Variants in ARFIP1 observed in about 807,000 individuals in gnomAD.
ARFIP1 encodes the protein ARF interacting protein 1.
Under a neutral mutation model 42.5 loss-of-function variants are expected in ARFIP1, and 24 were observed. That is an observed-to-expected ratio of 0.57 (90% CI 0.41 to 0.80). The LOEUF is 0.80. Ranked by LOEUF, ARFIP1 falls within the 30% of genes least tolerant of loss-of-function variation. The pLI is 0.00. For missense variants in ARFIP1, 354 were observed against 434.0 expected (o/e 0.82, Z 1.64); for synonymous variants, 141 against 153.7 (o/e 0.92, Z 0.61).
chr4:152,893,337 A>G (rs939898205), intron 8 of ARFIP1, among the ~76,000 whole-genome samples: 21 of 152,224 alleles, frequency 1.4e-4, no homozygotes, highest in African/African-American at 4.8e-4. Flanking sequence ...GTTTTCTGCA[A>G]TGTTTTCTGT....
intron 1 of ARFIP1, among the ~76,000 whole-genome samples, chr4:152,825,633 A>C (rs1001022592): frequency 6.6e-6 from 1 of 152,248 alleles, no homozygotes; most frequent in African/African-American, 2.4e-5. Context: ...GCCTAGGCAA[A>C]GAATTTATGA....
rs1169515609 is a variant in ARFIP1, at chr4:152,872,472, A to G, written c.319A>G (p.Lys107Glu). The G allele has an allele frequency of 3.1e-6, 5 of 1,610,824 alleles. No homozygotes were observed. Among genetic ancestry groups the G allele is most frequent in the Admixed American group, 1.7e-5 (1 of 59,480 alleles). The part of the protein sequence containing the change: ...VPAGGQRTQT[K>E]SGPVILADEI... ...TGCAGGTGGCCAGAGAACACAGACA[A>G]AAAGTGGACCAGTTATTCTAGCAGA... Residue 107 changes from lysine (K) to glutamate (E), a missense_variant, in exon 5 of 9, where the codon AAA becomes GAA. Coordinates refer to ENST00000353617, the MANE Select transcript of ARFIP1 (RefSeq NM_001025595.3).
chr4:152,867,764 A>G (rs1044543584), intron 3 of ARFIP1, among the ~76,000 whole-genome samples: 2 of 152,186 alleles, frequency 1.3e-5, no homozygotes, highest in Non-Finnish European at 2.9e-5. Context: ...TTGGAATAAG[A>G]AAATATATTT....
At chr4:152,868,017 A>G (rs1383791218) in intron 3 of ARFIP1, among the ~76,000 whole-genome samples, 1 of 152,258 alleles carries the variant, frequency 6.6e-6, no homozygotes, top group Non-Finnish European at 1.5e-5. Flanking sequence ...AAAAAATGTT[A>G]AAGGAATTAG....
intron 1 of ARFIP1, among the ~76,000 whole-genome samples, chr4:152,806,845 CT>C (rs796638165): frequency 8.4e-4 from 111 of 132,846 alleles, no homozygotes; most frequent in East Asian, 8.7e-4. Flanking sequence ...CTTTTTCTTT[CT>C]TTTTTTTTTT....
chr4:152,904,198 A>ATTT (rs36092561), intron 8 of ARFIP1, among the ~76,000 whole-genome samples: 17,386 of 126,408 alleles, frequency 0.14, 1,516 homozygotes, highest in African/African-American at 0.21. Context: ...ATATATATAT[A>ATTT]TTTTTTTTTT....
intron 3 of ARFIP1, among the ~76,000 whole-genome samples, chr4:152,870,287 T>C (rs542326756): frequency 4.6e-5 from 7 of 152,378 alleles, no homozygotes; most frequent in Admixed American, 2.0e-4. Flanking sequence ...CTGTAGTTCA[T>C]TCACATTTCT....
chr4:152,853,102 T>TA (rs1204258823), intron 2 of ARFIP1, among the ~76,000 whole-genome samples: 1 of 152,242 alleles, frequency 6.6e-6, no homozygotes, highest in African/African-American at 2.4e-5. Flanking sequence ...TTTTTATTGA[T>TA]ATGTTTTGTT....
intron 8 of ARFIP1, among the ~76,000 whole-genome samples, chr4:152,894,034 A>G (rs532567023): frequency 2.0e-5 from 3 of 152,160 alleles, no homozygotes; most frequent in Non-Finnish European, 4.4e-5. Flanking sequence ...CCTGGCCAAC[A>G]TGGTGAAACC....
chr4:152,909,193 T>G (rs1738635382), intron 8 of ARFIP1, among the ~76,000 whole-genome samples: 1 of 152,126 alleles, frequency 6.6e-6, no homozygotes, highest in African/African-American at 2.4e-5. Flanking sequence ...GAGACCAGCC[T>G]GGCCAACATG....
At chr4:152,862,806 T>C (rs918446593) in intron 2 of ARFIP1, among the ~76,000 whole-genome samples, 2 of 152,238 alleles carry the variant, frequency 1.3e-5, no homozygotes, top group Admixed American at 6.5e-5. Flanking sequence ...TTCATAATTG[T>C]TGCATCACTT....
chr4:152,839,433 T>A (rs944012198), intron 2 of ARFIP1, among the ~76,000 whole-genome samples: 12 of 152,196 alleles, frequency 7.9e-5, no homozygotes, highest in Non-Finnish European at 5.9e-5. Flanking sequence ...TTGGTAATTT[T>A]AAAATTACCA....
At chr4:152,833,606 A>G (rs1213816980) in intron 2 of ARFIP1, among the ~76,000 whole-genome samples, 1 of 152,260 alleles carries the variant, frequency 6.6e-6, no homozygotes, top group African/African-American at 2.4e-5. Flanking sequence ...AAATATGGAA[A>G]TAACCTAAGT....
At chr4:152,831,900 A>G (rs1731273110) in intron 2 of ARFIP1, among the ~76,000 whole-genome samples, 1 of 152,072 alleles carries the variant, frequency 6.6e-6, no homozygotes, top group Non-Finnish European at 1.5e-5. Flanking sequence ...TGCATGCATT[A>G]GGTATTTGTC....
chr4:152,839,396 A>G (rs1731888655), intron 2 of ARFIP1, among the ~76,000 whole-genome samples: 1 of 152,060 alleles, frequency 6.6e-6, no homozygotes, highest in Non-Finnish European at 1.5e-5. Context: ...TTCTGCTGTG[A>G]ATCTCTCTGG....
At chr4:152,874,659 T>C (rs533713914) in intron 5 of ARFIP1, among the ~76,000 whole-genome samples, 1 of 152,088 alleles carries the variant, frequency 6.6e-6, no homozygotes, top group South Asian at 2.1e-4. Flanking sequence ...TTGTTATCCA[T>C]TTACTGTTTG....
At chr4:152,782,262 T>C (rs1475305965) in intron 1 of ARFIP1, among the ~76,000 whole-genome samples, 1 of 145,852 alleles carries the variant, frequency 6.9e-6, no homozygotes, top group African/African-American at 2.7e-5. Flanking sequence ...GTGTGTGTTT[T>C]CCCAAACTGT....
intron 1 of ARFIP1, among the ~76,000 whole-genome samples, chr4:152,808,017 G>A (rs1170508156): frequency 6.6e-6 from 1 of 151,786 alleles, no homozygotes; most frequent in African/African-American, 2.4e-5. Context: ...TTTCGCTGTT[G>A]TTGCCCAGGC....
At chr4:152,885,607 A>T (rs2149895206) in intron 7 of ARFIP1, among the ~76,000 whole-genome samples, 1 of 152,098 alleles carries the variant, frequency 6.6e-6, no homozygotes, top group Non-Finnish European at 1.5e-5. Flanking sequence ...AGAAGCTATT[A>T]TGGAAAGTTT....
Sources: allele counts gnomAD v4.1 joint callset (sites outside exome capture counted in the v4.1 genomes callset), GRCh38; gene constraint gnomAD v4.1.1; transcripts MANE v1.5; gene names NCBI Gene and HGNC (gene_info 2026-07-23, HGNC 2026-07-21).